The following GNA13 variants were observed in gnomAD, a reference collection of about 807,000 sequenced individuals.
The protein encoded by GNA13 is guanine nucleotide-binding protein subunit alpha-13.
A neutral mutation model predicts 33.5 loss-of-function variants in GNA13; 4 were observed. The observed-to-expected ratio is 0.12, with a 90% CI of 0.06 to 0.27. The LOEUF is 0.27. GNA13 is among the 10% of genes least tolerant of loss of function. The probability of loss-of-function intolerance (pLI) is 1.00; values close to 1 mark genes in which losing one functional copy is unlikely to be tolerated. For synonymous variants in GNA13, 176 were observed against 183.8 expected, an observed-to-expected ratio of 0.96 and a Z score of 0.34; for missense variants, 319 against 487.2, an observed-to-expected ratio of 0.65 and a Z score of 3.25.
chr17:65,040,334 T>C (rs539011811), intron 2 of GNA13, among the ~76,000 whole-genome samples: 12 of 152,332 alleles, frequency 7.9e-5, no homozygotes, highest in African/African-American at 2.9e-4. Context: ...CCTACCATGT[T>C]TGAAGCTGTG....
chr17:65,028,874 A>G (rs938972179), intron 2 of GNA13, among the ~76,000 whole-genome samples: 3 of 152,154 alleles, frequency 2.0e-5, no homozygotes, highest in African/African-American at 7.2e-5. Context: ...CAGTCTCTAG[A>G]ATCTAGCCTT....
intron 2 of GNA13, among the ~76,000 whole-genome samples, chr17:65,022,401 TAA>T (rs569105482): frequency 4.1e-4 from 54 of 131,452 alleles, no homozygotes; most frequent in Non-Finnish European, 3.6e-4. Context: ...ACCATGACAT[TAA>T]AAAAAAAAAA....
chr17:65,013,729 G>C lies in GNA13; in HGVS notation c.*528C>G, dbSNP rs1041557369. 7 of 208,472 alleles carry C rather than the reference G, an allele frequency of 3.4e-5. No individual in the cohort carries two copies. Among genetic ancestry groups the C allele is most frequent in the Non-Finnish European group, 5.9e-5 (6 of 102,476 alleles). 12.9% of individuals were successfully genotyped at this position (208,472 alleles called of 1,614,324 possible). On this transcript the variant is annotated 3_prime_UTR_variant, in exon 4 of 4. Coordinates refer to ENST00000439174, the MANE Select transcript of GNA13 (RefSeq NM_006572.6). The stretch of plus-strand genomic sequence containing the variant: ...TGTATACAAGCAATTAAAATATGAA[G>C]GCTAAACCTTCTATAAACCTACAGA...
chr17:65,054,856 T>C (rs1229207486), intron 1 of GNA13, among the ~76,000 whole-genome samples: 1 of 152,210 alleles, frequency 6.6e-6, no homozygotes, highest in Non-Finnish European at 1.5e-5. Context: ...AGGCAGAGTC[T>C]GCAGCCTTGA....
rs1249155371 is a variant in GNA13, at chr17:65,010,494, C to T, written c.*3763G>A. 6.6e-6 allele frequency among the ~76,000 whole-genome samples: 1 copy of T among 151,880 alleles called. No homozygotes were observed. Among genetic ancestry groups the T allele is most frequent in the African/African-American group, 2.4e-5 (1 of 41,282 alleles). ...ACTGAAAAGCCACCCTGTATCCTAT[C>T]ATTAAAAAACAAAACAAAACAAAAC... On this transcript the variant is annotated 3_prime_UTR_variant, in exon 4 of 4. Coordinates refer to ENST00000439174, the MANE Select transcript of GNA13 (RefSeq NM_006572.6).
At chr17:65,033,263 T>TCGTTTGAG (rs1380007965) in intron 2 of GNA13, among the ~76,000 whole-genome samples, 1 of 151,662 alleles carries the variant, frequency 6.6e-6, no homozygotes, top group East Asian at 1.9e-4. Flanking sequence ...GGTGGGAGGA[T>TCGTTTGAG]CGTTTGAGCC....
At chr17:65,045,983 C>G (rs934100563) in intron 2 of GNA13, among the ~76,000 whole-genome samples, 1 of 152,178 alleles carries the variant, frequency 6.6e-6, no homozygotes, top group African/African-American at 2.4e-5. Flanking sequence ...TAGGAGTCAG[C>G]AGATTGGGAC....
intron 2 of GNA13, among the ~76,000 whole-genome samples, chr17:65,043,084 T>C (rs1907522364): frequency 6.6e-6 from 1 of 152,136 alleles, no homozygotes; most frequent in South Asian, 2.1e-4. Context: ...CATTTTACAG[T>C]TGCAGAACTA....
intron 1 of GNA13, 114 bp from the exon 2 acceptor site, chr17:65,053,842 T>C (rs892468430): frequency 7.4e-6 from 5 of 678,266 alleles, no homozygotes; most frequent in Admixed American, 5.5e-5. Context: ...ACAAACCTTC[T>C]TCAAAAATGA....
chr17:65,014,898 A>T lies in GNA13; in HGVS notation c.562-69T>A, dbSNP rs1906308989. On this transcript the variant is annotated intron_variant, in intron 3 of 3. Transcript: ENST00000439174. The surrounding 1 kb of genome is among the most constrained non-coding windows in gnomAD (Gnocchi z 5.3). ...AATGCGAATTTTTAATGGACTACTA[A>T]CTGGACTAGTGAATAGATATGCAAA... is the stretch of plus-strand genomic sequence containing the variant. 2 of 832,728 alleles carry T rather than the reference A, an allele frequency of 2.4e-6. No individual in the cohort carries two copies. The highest frequency in any genetic ancestry group is 4.9e-5 in the East Asian group (2 of 40,818). The allele number at this position is 832,728 out of a possible 1,614,324, so 51.6% of individuals were successfully genotyped here. A position where few individuals can be genotyped will look rare whatever the true frequency, so the allele number is the denominator to read the frequency against.
At chr17:65,027,967 G>A (rs536043022) in intron 2 of GNA13, among the ~76,000 whole-genome samples, 1 of 152,248 alleles carries the variant, frequency 6.6e-6, no homozygotes, top group Admixed American at 6.5e-5. Context: ...GGCTGGGCAC[G>A]GTGGCTCACG....
chr17:65,011,024 TG>T lies in GNA13; in HGVS notation c.*3232del, dbSNP rs1906169472. 5.0e-6 allele frequency: 1 copy of T among 199,014 alleles called. No homozygotes were observed. The highest frequency in any genetic ancestry group is 2.3e-5 in the African/African-American group (1 of 43,370). 12.3% of individuals were successfully genotyped at this position (199,014 alleles called of 1,614,324 possible). ...CATATATAAATAAGGCATAATCGGA[TG>T]TGTATTAATGCTGAAAATACATTTT... On this transcript the variant is annotated 3_prime_UTR_variant, in exon 4 of 4. Coordinates refer to ENST00000439174, the MANE Select transcript of GNA13 (RefSeq NM_006572.6).
Position 65,011,350 on chromosome 17 carries a change from A to G in GNA13, c.*2907T>C. The G allele has an allele frequency of 5.1e-6, 1 of 196,800 alleles. No homozygotes were observed. The highest frequency in any genetic ancestry group is 1.1e-5 in the Non-Finnish European group (1 of 94,858). The allele number at this position is 196,800 out of a possible 1,614,324, so 12.2% of individuals were successfully genotyped here. ...AAGACAAAAGTGAATGAGTTTTTTC[A>G]TTCCATATTGCTTTCTTTGGTTGCA... On this transcript the variant is annotated 3_prime_UTR_variant, in exon 4 of 4. Coordinates refer to ENST00000439174, the MANE Select transcript of GNA13 (RefSeq NM_006572.6).
At chr17:65,051,546 C>T (rs1054934929) in intron 2 of GNA13, among the ~76,000 whole-genome samples, 9 of 151,806 alleles carry the variant, frequency 5.9e-5, no homozygotes, top group South Asian at 2.1e-4. Context: ...ACCCAGGAGG[C>T]GGAGGTGAGC....
intron 2 of GNA13, among the ~76,000 whole-genome samples, chr17:65,051,013 T>C (rs1338984817): frequency 1.3e-5 from 2 of 152,166 alleles, no homozygotes; most frequent in Non-Finnish European, 2.9e-5. Context: ...GGATGCTTTC[T>C]CAACAATGAG....
At chr17:65,048,983 C>A (rs1284681567) in intron 2 of GNA13, among the ~76,000 whole-genome samples, 2 of 151,966 alleles carry the variant, frequency 1.3e-5, no homozygotes, top group Admixed American at 6.6e-5. Flanking sequence ...CACATTTCAA[C>A]CCCCCCAAAT....
chr17:65,010,253 C>A lies in GNA13; in HGVS notation c.*4004G>T, dbSNP rs529481436. Among the ~76,000 whole-genome samples, 1 of 152,012 alleles carries A rather than the reference C, an allele frequency of 6.6e-6. No homozygotes were observed. Among genetic ancestry groups the A allele is most frequent in the Non-Finnish European group, 1.5e-5 (1 of 68,008 alleles). ...TCCAAATGATGTTGTTAATCACCTA[C>A]CAGCCTAAGACTAGTATCTACTTGA... On this transcript the variant is annotated 3_prime_UTR_variant, in exon 4 of 4. Transcript: ENST00000439174.
chr17:65,018,091 C>CT (rs1906436711), intron 3 of GNA13, among the ~76,000 whole-genome samples, 162 bp downstream of exon 3: 2 of 45,572 alleles, frequency 4.4e-5, no homozygotes, highest in African/African-American at 2.5e-4. Flanking sequence ...AACGCCACCA[C>CT]TAAAAAAAAA....
At chr17:65,029,537 C>G (rs2143793149) in intron 2 of GNA13, among the ~76,000 whole-genome samples, 1 of 152,276 alleles carries the variant, frequency 6.6e-6, no homozygotes, top group East Asian at 1.9e-4. Flanking sequence ...TTTAATGTAT[C>G]CTGATTCTTA....
Sources: allele counts gnomAD v4.1 joint callset (sites outside exome capture counted in the v4.1 genomes callset), GRCh38; gene constraint gnomAD v4.1.1; non-coding constraint Gnocchi (gnomAD v3.1); transcripts MANE v1.5; gene names NCBI Gene and HGNC (gene_info 2026-07-23, HGNC 2026-07-21).